Variants in AP1G1 observed in about 807,000 individuals in gnomAD.
AP1G1 encodes the protein AP-1 complex subunit gamma-1.
Under a neutral mutation model 108.3 loss-of-function variants are expected in AP1G1, and 7 were observed. That is an observed-to-expected ratio of 0.06 (90% confidence interval 0.04 to 0.12). The LOEUF (loss-of-function observed/expected upper bound fraction) is 0.12, where lower values mean the gene tolerates loss of function less well. Ranked by LOEUF, AP1G1 falls within the 10% of genes least tolerant of loss-of-function variation. The probability of loss-of-function intolerance (pLI) is 1.00; values close to 1 mark genes in which losing one functional copy is unlikely to be tolerated. For synonymous variants in AP1G1, 379 were observed against 353.5 expected (o/e 1.07, Z -0.81); for missense variants, 756 against 1,010.7 (o/e 0.75, Z 3.42).
At chr16:71,761,677 A>C in intron 9 of AP1G1, 110 bp from the exon 10 acceptor site, 1 of 795,214 alleles carries the variant, frequency 1.3e-6, no homozygotes, top group Non-Finnish European at 2.0e-6. Context: ...CTGCTAGCAA[A>C]AAAAAAAAGG....
intron 22 of AP1G1, among the ~76,000 whole-genome samples, chr16:71,734,131 C>T (rs930430962): frequency 1.3e-5 from 2 of 152,114 alleles, no homozygotes; most frequent in Non-Finnish European, 2.9e-5. Context: ...AACTGAAAAC[C>T]AACTGATTAC....
At chr16:71,798,608 C>T (rs1296432358) in intron 1 of AP1G1, among the ~76,000 whole-genome samples, 3 of 151,386 alleles carry the variant, frequency 2.0e-5, no homozygotes, top group Non-Finnish European at 4.4e-5. Context: ...TGAGGCCGGG[C>T]GTGGTGCGGT....
At chr16:71,754,352 GAAA>G (rs2030666628) in intron 12 of AP1G1, among the ~76,000 whole-genome samples, 4 of 151,570 alleles carry the variant, frequency 2.6e-5, no homozygotes, top group Non-Finnish European at 4.4e-5. Flanking sequence ...AAGAAAGAAA[GAAA>G]GAAAGGAAGG....
intron 2 of AP1G1, 104 bp downstream of exon 2, chr16:71,789,175 C>T (rs932743405): frequency 9.4e-6 from 10 of 1,061,894 alleles, no homozygotes; most frequent in Non-Finnish European, 1.4e-5. Flanking sequence ...AATGATCAGA[C>T]TACAAGGCTA....
At chr16:71,736,774 T>A (rs941306960) in intron 21 of AP1G1, among the ~76,000 whole-genome samples, 2 of 108,440 alleles carry the variant, frequency 1.8e-5, no homozygotes, top group Non-Finnish European at 3.8e-5. Context: ...TTTTTTTTTT[T>A]AGTAGAGACG....
chr16:71,784,761 G>C (rs1176802850), intron 2 of AP1G1, among the ~76,000 whole-genome samples: 1 of 151,632 alleles, frequency 6.6e-6, no homozygotes, highest in Non-Finnish European at 1.5e-5. Context: ...GTTTCACCAT[G>C]TTGGCCAGGA....
intron 1 of AP1G1, among the ~76,000 whole-genome samples, chr16:71,800,392 A>G (rs1414242220): frequency 3.4e-5 from 5 of 146,988 alleles, no homozygotes; most frequent in African/African-American, 1.3e-4. Context: ...AAAAAAAAGA[A>G]TTATATTGGC....
intron 2 of AP1G1, among the ~76,000 whole-genome samples, chr16:71,782,142 G>A (rs1240069934): frequency 1.3e-5 from 2 of 152,112 alleles, no homozygotes; most frequent in East Asian, 1.9e-4. Flanking sequence ...CAATATAAAC[G>A]TTTATTTCAA....
chr16:71,759,849 T>C (rs914307660), intron 10 of AP1G1, among the ~76,000 whole-genome samples: 24 of 152,050 alleles, frequency 1.6e-4, no homozygotes, highest in African/African-American at 5.5e-4. Flanking sequence ...GTTTTCCAAA[T>C]AGTAAAACAA....
intron 12 of AP1G1, among the ~76,000 whole-genome samples, chr16:71,754,752 A>C (rs2030689560): frequency 6.6e-6 from 1 of 152,132 alleles, no homozygotes; most frequent in South Asian, 2.1e-4. Flanking sequence ...GTAAGCTATG[A>C]CTGGGCCACT....
At chr16:71,764,225 C>T in intron 9 of AP1G1, 125 bp downstream of exon 9, 1 of 573,352 alleles carries the variant, frequency 1.7e-6, no homozygotes, top group Admixed American at 3.7e-5. Flanking sequence ...CAGCATTCCA[C>T]ATTTTGCATC....
intron 9 of AP1G1, 134 bp from the exon 10 acceptor site, chr16:71,761,701 G>A: frequency 1.5e-6 from 1 of 659,998 alleles, no homozygotes; most frequent in Non-Finnish European, 2.6e-6. Context: ...TGGGTGCGGT[G>A]GCTCACGCCT....
chr16:71,796,007 C>A (rs111596269), intron 1 of AP1G1, among the ~76,000 whole-genome samples: 1 of 152,168 alleles, frequency 6.6e-6, no homozygotes, highest in African/African-American at 2.4e-5. Flanking sequence ...GAGGCCGAGG[C>A]AGGTAGACTG....
intron 1 of AP1G1, among the ~76,000 whole-genome samples, chr16:71,803,833 A>C (rs1236106675): frequency 6.6e-6 from 1 of 150,942 alleles, no homozygotes; most frequent in African/African-American, 2.4e-5. Flanking sequence ...GCTGAGGCAG[A>C]AGAATTGCTT....
intron 1 of AP1G1, among the ~76,000 whole-genome samples, chr16:71,804,053 AT>A (rs1332094137): frequency 1.4e-4 from 21 of 147,774 alleles, no homozygotes; most frequent in South Asian, 2.1e-4. Context: ...TTATTTATTT[AT>A]TTTTTTTTTG....
intron 11 of AP1G1, 193 bp from the exon 12 acceptor site, chr16:71,756,352 T>G: frequency 2.2e-6 from 1 of 461,928 alleles, no homozygotes. Flanking sequence ...AGTTTTGATA[T>G]TTTGAATCTT....
intron 6 of AP1G1, 174 bp from the exon 7 acceptor site, chr16:71,765,758 A>G: frequency 3.6e-6 from 2 of 555,008 alleles, no homozygotes; most frequent in Non-Finnish European, 6.5e-6. Flanking sequence ...ACTTAGGGCA[A>G]TATTCAAGAA....
chr16:71,772,166 A>T (rs1374180541), intron 4 of AP1G1, among the ~76,000 whole-genome samples: 2 of 150,040 alleles, frequency 1.3e-5, no homozygotes, highest in Admixed American at 1.3e-4. Flanking sequence ...AGTCTCGCTC[A>T]GTCGCCCAGG....
chr16:71,806,854 T>C (rs530413818), intron 1 of AP1G1: 158 of 405,544 alleles, frequency 3.9e-4, no homozygotes, highest in African/African-American at 3.2e-3. Flanking sequence ...AAACTGAAAA[T>C]ATTGTTTTCT....
Sources: gnomAD v4.1 joint callset for allele counts (sites outside exome capture counted in the v4.1 genomes callset) on GRCh38, gnomAD v4.1.1 for gene constraint, MANE v1.5 for transcripts, NCBI Gene and HGNC (gene_info 2026-07-23, HGNC 2026-07-21) for gene names.